MCF2L: variants seen among roughly 807,000 people sequenced by gnomAD.
MCF2L encodes the protein MCF.2 cell line derived transforming sequence like.
MCF2L carries 97 observed loss-of-function variants against 153.4 expected under a neutral mutation model. The observed-to-expected ratio is 0.63, with a 90% CI of 0.54 to 0.75. The LOEUF (loss-of-function observed/expected upper bound fraction) is 0.75. MCF2L is among the 30% of genes least tolerant of loss of function. The pLI, the probability that MCF2L is intolerant of heterozygous loss-of-function variation, is 0.00. For missense variants in MCF2L, 1,347 were observed against 1,495.2 expected, an observed-to-expected ratio of 0.90 and a Z score of 1.64; for synonymous variants, 659 against 632.2, an observed-to-expected ratio of 1.04 and a Z score of -0.64.
intron 4 of MCF2L, chr13:113,052,677 A>G (rs2087431677): frequency 6.5e-6 from 1 of 154,062 alleles, no homozygotes; most frequent in Non-Finnish European, 1.5e-5. Context: ...GTTCAGAAAA[A>G]TTTCAGACCT....
intron 2 of MCF2L, among the ~76,000 whole-genome samples, chr13:112,948,668 G>T (rs535983553): frequency 5.3e-5 from 8 of 152,294 alleles, no homozygotes; most frequent in African/African-American, 1.9e-4. Context: ...ATCAATCTCA[G>T]CTTCTACCTC....
chr13:112,917,248 G>T (rs1033893407), intron 2 of MCF2L: 1 of 462,564 alleles, frequency 2.2e-6, no homozygotes, highest in African/African-American at 2.0e-5. Context: ...GCATCCTACA[G>T]GTCTCCCAGA....
In MCF2L at chr13:113,046,558, C is replaced by T. The variant is rs767584304; in HGVS notation, c.369+1197C>T. 1.3e-5 allele frequency: 7 copies of T among 533,252 alleles called. No homozygotes were observed. The African/African-American group carries it at 1.3e-4, about 10-fold the overall frequency. The allele number at this position is 533,252 out of a possible 1,614,324, so 33.0% of individuals were successfully genotyped here. A position where few individuals can be genotyped will look rare whatever the true frequency, so the allele number is the denominator to read the frequency against. On this transcript the variant is annotated intron_variant, in intron 4 of 29. Coordinates refer to ENST00000535094, the MANE Select transcript of MCF2L (RefSeq NM_001112732.3). This position sits in a 1 kb window ranked among gnomAD's most constrained non-coding sequence, Gnocchi z 4.4. Reference sequence around the variant, plus strand: ...TGAGGTATACTGAAAAAAGTCATTCCTTTCCCCGCACATTGCCTCATTCCT... The same window carrying T: ...TGAGGTATACTGAAAAAAGTCATTCTTTTCCCCGCACATTGCCTCATTCCT...
intron 20 of MCF2L, among the ~76,000 whole-genome samples, chr13:113,085,445 C>T (rs990525431): frequency 1.3e-5 from 2 of 152,194 alleles, no homozygotes; most frequent in Non-Finnish European, 2.9e-5. Flanking sequence ...TGTGCTGACC[C>T]GTCCCTCCAG....
chr13:113,005,312 G>A (rs575734566), intron 1 of MCF2L, among the ~76,000 whole-genome samples: 1 of 152,214 alleles, frequency 6.6e-6, no homozygotes. Flanking sequence ...TGTCAGAGAC[G>A]CCGACAAGCA....
At chr13:112,995,078 A>T (rs1376592668) in intron 1 of MCF2L, among the ~76,000 whole-genome samples, 1 of 151,928 alleles carries the variant, frequency 6.6e-6, no homozygotes, top group Non-Finnish European at 1.5e-5. Context: ...CCTGCGTGGC[A>T]CTCACGTGTG....
At position 113,028,980 on chromosome 13, in the gene MCF2L, G is replaced by T. The variant is rs1001482296; in HGVS notation, c.278+4222G>T. ...TGAGGCATGTGTGGGGTGAGTGTGG[G>T]GTGTGGTGTGTGGGGGGTGTGTGTG... On this transcript the variant is annotated intron_variant, in intron 3 of 29. Coordinates refer to ENST00000535094, the MANE Select transcript of MCF2L (RefSeq NM_001112732.3). This position sits in a 1 kb window ranked among gnomAD's most constrained non-coding sequence, Gnocchi z 5.4. Among the ~76,000 whole-genome samples, 3 of 151,404 alleles carry T rather than the reference G, an allele frequency of 2.0e-5. No individual in the cohort carries two copies. Among genetic ancestry groups the T allele is most frequent in the Non-Finnish European group, 2.9e-5 (2 of 67,842 alleles).
chr13:113,075,080 G>A lies in MCF2L; in HGVS notation c.1199G>A (p.Arg400His), dbSNP rs889988810. 9 of 1,613,650 alleles carry A rather than the reference G, an allele frequency of 5.6e-6. No homozygotes were observed. Among genetic ancestry groups the A allele is most frequent in the Admixed American group, 1.7e-5 (1 of 60,012 alleles). The change falls in exon 11 of 30, where the codon CGC becomes CAC. Residue 400 changes from arginine to histidine, a missense_variant. Transcript: ENST00000535094. ...AAGCACTACGCGGTAGACTCCATCC[G>A]CCCAAAGTGCCAGGAGCTCCGGCAC... The part of the protein sequence containing the change: ...GNKHYAVDSI[R>H]PKCQELRHLC...
chr13:112,913,042 CTG>C lies in MCF2L; in HGVS notation c.169+10674_169+10675del, dbSNP rs377137906. On this transcript the variant is annotated intron_variant, in intron 2 of 29. Coordinates refer to the MCF2L transcript ENST00000375608. The stretch of plus-strand genomic sequence containing the variant: ...TCTGGGTGTGTCTGTGATTGTGTGT[CTG>C]TGGTGTATCTGTGTATATGGGGTGT... 1.7e-3 allele frequency among the ~76,000 whole-genome samples: 236 copies of C among 134,966 alleles called. 2 individuals are homozygous for C. The highest frequency in any genetic ancestry group is 1.4e-3 in the East Asian group (6 of 4,378). The allele number at this position is 134,966 out of a possible 152,430, so 88.5% of individuals were successfully genotyped here.
chr13:113,012,805 G>C (rs2084251516), intron 1 of MCF2L, among the ~76,000 whole-genome samples: 1 of 95,040 alleles, frequency 1.1e-5, no homozygotes, highest in African/African-American at 4.1e-5. Context: ...GCGGACGGTG[G>C]ACAGGCGGTG....
chr13:113,014,719 C>T, intron 1 of MCF2L, 44 bp from the exon 2 acceptor site: 2 of 1,557,892 alleles, frequency 1.3e-6, no homozygotes, highest in Non-Finnish European at 8.8e-7. Context: ...CAGGGTGAGG[C>T]AGCTTCCTGG....
In MCF2L at chr13:112,970,470, G is replaced by GA. The variant is rs529265703; in HGVS notation, c.79+1016dup. ...TGGGTTTATTGTATGTGGGTCGAAA[G>GA]AAAACAAAACCATTTTCATGCCGTC... On this transcript the variant is annotated intron_variant, in intron 1 of 29. Transcript: ENST00000535094. 9.2e-5 allele frequency among the ~76,000 whole-genome samples: 14 copies of GA among 152,298 alleles called. No individual in the cohort carries two copies. In the South Asian group the frequency reaches 2.9e-3, roughly 32 times the overall value.
intron 26 of MCF2L, chr13:113,091,089 G>A (rs1039891491): frequency 2.0e-5 from 26 of 1,304,290 alleles, no homozygotes; most frequent in East Asian, 5.6e-5. Flanking sequence ...CTCTCTCTCC[G>A]GTTGTATTTC....
chr13:112,942,159 G>A (rs12873644), intron 2 of MCF2L, among the ~76,000 whole-genome samples: 10,945 of 152,262 alleles, frequency 0.072, 446 homozygotes, highest in South Asian at 0.18. Context: ...AGGCCTAACC[G>A]TCTCCCTGTG....
intron 3 of MCF2L, among the ~76,000 whole-genome samples, chr13:113,036,050 A>G (rs1347946319): frequency 2.6e-5 from 4 of 152,144 alleles, no homozygotes; most frequent in Non-Finnish European, 1.5e-5. Context: ...TTGCATCACA[A>G]ACAACACTGC....
rs2142156553 is a variant in MCF2L, at chr13:113,096,620, C to T, written c.3259C>T (p.Pro1087Ser). The T allele has an allele frequency of 6.3e-7, 1 of 1,595,542 alleles. No individual in the cohort carries two copies. Among genetic ancestry groups the T allele is most frequent in the African/African-American group, 1.3e-5 (1 of 74,892 alleles). ...PASSLSVRLGPSGSAQCLSSS... is the reference protein window; with the variant it reads ...PASSLSVRLGSSGSAQCLSSS... ...CAGCAGCCTGTCCGTCCGGCTCGGC[C>T]CGTCCGGCTCGGCCCAGTGCCTGAG... Residue 1087 changes from proline to serine, a missense_variant, in exon 29 of 30, where the codon CCG becomes TCG. Transcript: ENST00000535094.
intron 3 of MCF2L, among the ~76,000 whole-genome samples, chr13:113,029,814 C>A (rs1285189931): frequency 3.9e-5 from 6 of 152,234 alleles, no homozygotes; most frequent in Non-Finnish European, 4.4e-5. Flanking sequence ...TTCCAGACAG[C>A]TGCACAGCCA....
At chr13:113,078,981 G>A (rs1209735340) in intron 15 of MCF2L, among the ~76,000 whole-genome samples, 4 of 152,254 alleles carry the variant, frequency 2.6e-5, no homozygotes, top group Non-Finnish European at 5.9e-5. Context: ...CAGGAGGGAA[G>A]AGAGGGCGAT....
intron 2 of MCF2L, among the ~76,000 whole-genome samples, chr13:112,925,462 G>A (rs2140587688): frequency 6.6e-6 from 1 of 152,282 alleles, no homozygotes; most frequent in East Asian, 1.9e-4. Flanking sequence ...CCCCACGCTG[G>A]ACACCCTAAC....
Sources: gnomAD v4.1 joint callset for allele counts (sites outside exome capture counted in the v4.1 genomes callset) on GRCh38, gnomAD v4.1.1 for gene constraint, Gnocchi (gnomAD v3.1) non-coding constraint, MANE v1.5 for transcripts, NCBI Gene and HGNC (gene_info 2026-07-23, HGNC 2026-07-21) for gene names.